Variants in DNAH11 observed in about 807,000 individuals in gnomAD.
DNAH11 encodes the protein dynein axonemal heavy chain 11, also known as axonemal beta dynein heavy chain 11.
DNAH11 carries 442 observed loss-of-function variants against 526.0 expected under a neutral mutation model. The observed-to-expected ratio is 0.84, with a 90% CI of 0.78 to 0.91. The LOEUF (loss-of-function observed/expected upper bound fraction) is 0.91. DNAH11 is among the 40% of genes least tolerant of loss of function. DNAH11 has a pLI of 0.00. For synonymous variants in DNAH11, 2,461 were observed against 1,935.9 expected (o/e 1.27, Z -7.12); for missense variants, 6,989 against 5,448.7 (o/e 1.28, Z -8.90).
intron 54 of DNAH11, among the ~76,000 whole-genome samples, chr7:21,759,440 T>C (rs1786792863): frequency 6.6e-6 from 1 of 152,022 alleles, no homozygotes; most frequent in Admixed American, 6.5e-5. Flanking sequence ...GAAAGGTAAT[T>C]AGATGGGGTG....
chr7:21,666,664 T>C (rs1782431930), intron 30 of DNAH11, among the ~76,000 whole-genome samples: 1 of 152,066 alleles, frequency 6.6e-6, no homozygotes, highest in Non-Finnish European at 1.5e-5. Flanking sequence ...TTGGATACAA[T>C]ATTGGTAGCA....
At chr7:21,651,401 C>T (rs11973411) in intron 28 of DNAH11, among the ~76,000 whole-genome samples, 4,216 of 151,968 alleles carry the variant, frequency 0.028, 173 homozygotes, top group African/African-American at 0.097. Context: ...CTCGCTCTGT[C>T]ACCCAGGCTG....
chr7:21,599,692 C>G (rs955512783), intron 14 of DNAH11, 95 bp from the exon 15 acceptor site: 1 of 936,136 alleles, frequency 1.1e-6, no homozygotes, highest in African/African-American at 1.7e-5. Context: ...CACAACAATG[C>G]AGTCTCTTCT....
At chr7:21,787,211 G>A (rs751990405) in intron 59 of DNAH11, among the ~76,000 whole-genome samples, 190 bp from the exon 60 acceptor site, 2 of 152,148 alleles carry the variant, frequency 1.3e-5, no homozygotes, top group African/African-American at 2.4e-5. Context: ...GATAGAAGAG[G>A]TTTTAAAAGT....
chr7:21,862,531 A>G (rs573410048), intron 69 of DNAH11, among the ~76,000 whole-genome samples: 87 of 152,342 alleles, frequency 5.7e-4, no homozygotes, highest in African/African-American at 2.0e-3. Context: ...ATCTCATCAC[A>G]AAAAAGATAA....
chr7:21,837,176 G>C (rs1157518519), intron 65 of DNAH11, among the ~76,000 whole-genome samples: 3 of 152,168 alleles, frequency 2.0e-5, no homozygotes, highest in Non-Finnish European at 4.4e-5. Context: ...TTATGGAAAA[G>C]AGTGTAGAGA....
intron 25 of DNAH11, among the ~76,000 whole-genome samples, chr7:21,622,080 A>G (rs56182017): frequency 0.18 from 27,068 of 151,770 alleles, 3,084 homozygotes; most frequent in African/African-American, 0.32. Flanking sequence ...CCATTGTCTC[A>G]GCCCAAAATC....
rs758391967 is a variant in DNAH11, at chr7:21,710,562, C to T, written c.6693C>T (p.Tyr2231=). 1.2e-6 allele frequency: 2 copies of T among 1,608,176 alleles called. No homozygotes were observed. Among genetic ancestry groups the T allele is most frequent in the Admixed American group, 3.4e-5 (2 of 59,566 alleles). The stretch of plus-strand genomic sequence containing the variant: ...CTACATTATATATTAGGATTGTTTA[C>T]TCTTATTTTATAGGTCTCTTCTCAT... ...TREWKDGKIV[Y]SYFIGLFSSI... is the part of the protein sequence containing the mutation. Residue 2231 remains tyrosine (Y), a synonymous_variant, in exon 41 of 82, where the codon TAC becomes TAT. Transcript: ENST00000409508.
At chr7:21,685,162 G>A (rs1467140292) in intron 32 of DNAH11, among the ~76,000 whole-genome samples, 2 of 152,182 alleles carry the variant, frequency 1.3e-5, no homozygotes, top group African/African-American at 4.8e-5. Context: ...AGCATTCACT[G>A]TCCTCATTAG....
intron 63 of DNAH11, among the ~76,000 whole-genome samples, chr7:21,813,170 A>C (rs994222893): frequency 1.9e-5 from 1 of 52,596 alleles, no homozygotes; most frequent in African/African-American, 8.3e-5. Context: ...TTTCCATCCA[A>C]AGTTGTTGTT....
chr7:21,598,283 C>G (rs1268271224), intron 14 of DNAH11, among the ~76,000 whole-genome samples: 1 of 152,236 alleles, frequency 6.6e-6, no homozygotes, highest in African/African-American at 2.4e-5. Context: ...TCTGTATAGA[C>G]CATGCAAGTT....
intron 35 of DNAH11, among the ~76,000 whole-genome samples, chr7:21,691,109 A>G (rs1031425731): frequency 6.6e-5 from 10 of 152,112 alleles, no homozygotes; most frequent in African/African-American, 2.4e-4. Context: ...GTATATTTGC[A>G]TATTTACTGT....
chr7:21,811,431 G>C (rs1407901771), intron 63 of DNAH11, among the ~76,000 whole-genome samples: 1 of 150,628 alleles, frequency 6.6e-6, no homozygotes, highest in Non-Finnish European at 1.5e-5. Context: ...ACTCCAGCCT[G>C]GGTGACAGAG....
At position 21,701,731 on chromosome 7, in the gene DNAH11, G is replaced by T. The variant is rs975977336; in HGVS notation, c.6181-979G>T. Reference sequence around the variant, plus strand: ...AATGGGATATTTGTAATGTAATATTGTTTTACCGCCCACAAAAAATTTGTA... The same window carrying T: ...AATGGGATATTTGTAATGTAATATTTTTTTACCGCCCACAAAAAATTTGTA... On this transcript the variant is annotated intron_variant, in intron 36 of 81. Transcript: ENST00000409508. Among the ~76,000 whole-genome samples the T allele has an allele frequency of 2.0e-5, 3 of 152,226 alleles. No individual in the cohort carries two copies. In the South Asian group the frequency reaches 6.2e-4, roughly 32 times the overall value.
In DNAH11 at chr7:21,725,942, C is replaced by G. The variant is rs1363375287; in HGVS notation, c.7398C>G (p.Asp2466Glu). 1.9e-6 allele frequency: 3 copies of G among 1,560,370 alleles called. No homozygotes were observed. The Admixed American group carries it at 5.8e-5, about 30-fold the overall frequency. Residue 2466 changes from aspartate to glutamate, a missense_variant, in exon 45 of 82, where the codon GAC becomes GAG. Asp to Glu is a conservative substitution (Grantham distance 45, BLOSUM62 2). Coordinates refer to ENST00000409508, the MANE Select transcript of DNAH11 (RefSeq NM_001277115.2). ...CTAAGAAATTATTGCCCTGGGCTGA[C>G]AAAATTGCCCAGTTTACTATGGATC... ...HKTKKLLPWA[D>E]KIAQFTMDPD...
At chr7:21,590,791 CT>C (rs1379275643) in intron 12 of DNAH11, 126 bp from the exon 13 acceptor site, 7 of 577,016 alleles carry the variant, frequency 1.2e-5, no homozygotes, top group Non-Finnish European at 1.6e-5. Context: ...AAACAAAAGT[CT>C]ATTTACCTTG....
intron 36 of DNAH11, among the ~76,000 whole-genome samples, chr7:21,700,389 G>C (rs1488821896): frequency 6.6e-6 from 1 of 152,206 alleles, no homozygotes; most frequent in East Asian, 1.9e-4. Context: ...AGACATTTTT[G>C]ACCATTGGAA....
At chr7:21,807,383 C>T (rs778131412) in intron 62 of DNAH11, among the ~76,000 whole-genome samples, 5 of 152,190 alleles carry the variant, frequency 3.3e-5, no homozygotes, top group Admixed American at 6.5e-5. Flanking sequence ...CCTATAGTCC[C>T]AGCTACTTGA....
chr7:21,565,394 TTGAA>T (rs1398815557), intron 6 of DNAH11, among the ~76,000 whole-genome samples: 1 of 152,224 alleles, frequency 6.6e-6, no homozygotes, highest in African/African-American at 2.4e-5. Flanking sequence ...ATTTATCAAT[TTGAA>T]TGGACACAAT....
Sources: allele counts gnomAD v4.1 joint callset (sites outside exome capture counted in the v4.1 genomes callset), GRCh38; gene constraint gnomAD v4.1.1; transcripts MANE v1.5; gene names NCBI Gene and HGNC (gene_info 2026-07-23, HGNC 2026-07-21).